The following SCAI variants were observed in gnomAD, a reference collection of about 807,000 sequenced individuals.
SCAI encodes the protein suppressor of cancer cell invasion.
Under a neutral mutation model 92.2 loss-of-function variants are expected in SCAI, and 24 were observed. The ratio of observed to expected loss-of-function variants is 0.26; its 90% CI spans 0.19 to 0.37. SCAI has a LOEUF of 0.37. Ranked by LOEUF, SCAI falls within the 10% of genes least tolerant of loss-of-function variation. SCAI has a pLI of 1.00. For missense variants in SCAI, 450 were observed against 736.2 expected, an observed-to-expected ratio of 0.61 and a Z score of 4.50; for synonymous variants, 261 against 258.6, an observed-to-expected ratio of 1.01 and a Z score of -0.09.
intron 17 of SCAI, among the ~76,000 whole-genome samples, chr9:124,964,335 C>T (rs919410139): frequency 1.3e-5 from 2 of 152,200 alleles, no homozygotes; most frequent in Non-Finnish European, 2.9e-5. Context: ...CGAAACCCTT[C>T]ACTCCCCACC....
intron 2 of SCAI, among the ~76,000 whole-genome samples, chr9:125,073,194 T>A (rs1303401978): frequency 7.8e-6 from 1 of 127,712 alleles, no homozygotes; most frequent in Non-Finnish European, 1.6e-5. Flanking sequence ...AAGCTCCGCC[T>A]CCCGGGTTCA....
chr9:125,088,316 G>A (rs1320632265), intron 2 of SCAI, among the ~76,000 whole-genome samples: 1 of 152,116 alleles, frequency 6.6e-6, no homozygotes, highest in Non-Finnish European at 1.5e-5. Context: ...CCCCAATGTT[G>A]GAGGAGGGGC....
rs1047820198 is a variant in SCAI at position 125,000,095 on chromosome 9, G to A, written c.1145-105C>T. 9.4e-6 allele frequency: 5 copies of A among 531,274 alleles called. No homozygotes were observed. The African/African-American group carries it at 9.8e-5, about 10-fold the overall frequency. The allele number at this position is 531,274 out of a possible 1,614,324, so 32.9% of individuals were successfully genotyped here. A position where few individuals can be genotyped will look rare whatever the true frequency, so the allele number is the denominator to read the frequency against. On this transcript the variant is annotated intron_variant, in intron 12 of 17. Transcript: ENST00000336505. ...TGAATCTCTCATTGATTCAAGCGAA[G>A]ATAATTACACATTTAAATTATTTTA...
chr9:125,077,076 C>T (rs777156289), intron 2 of SCAI, among the ~76,000 whole-genome samples: 2 of 152,086 alleles, frequency 1.3e-5, no homozygotes, highest in African/African-American at 4.8e-5. Flanking sequence ...CTCACCTACT[C>T]GGGAAGGTGA....
At chr9:124,968,537 A>G (rs1831585570) in intron 17 of SCAI, 2 of 871,652 alleles carry the variant, frequency 2.3e-6, no homozygotes, top group East Asian at 2.4e-5. Flanking sequence ...CAGTTAAGAC[A>G]CCACTCCCAA....
chr9:124,983,024 G>A (rs2131603528), intron 14 of SCAI, among the ~76,000 whole-genome samples: 1 of 152,128 alleles, frequency 6.6e-6, no homozygotes, highest in East Asian at 1.9e-4. Flanking sequence ...GTGGTGGCAT[G>A]TTTCTGTAGT....
chr9:124,968,943 G>GT, intron 17 of SCAI: 65 of 325,458 alleles, frequency 2.0e-4, no homozygotes, highest in Middle Eastern at 9.3e-4. Flanking sequence ...TTTATTTTTT[G>GT]GAAAAAAAAA....
At chr9:125,007,579 G>C (rs1362654010) in intron 9 of SCAI, among the ~76,000 whole-genome samples, 1 of 152,024 alleles carries the variant, frequency 6.6e-6, no homozygotes, top group Non-Finnish European at 1.5e-5. Flanking sequence ...CAGCCTGGGA[G>C]GTCAAGGCTA....
rs190147816 is a variant in SCAI at position 125,081,588 on chromosome 9, T to A, written c.99-25581A>T. Among the ~76,000 whole-genome samples the A allele has an allele frequency of 2.6e-5, 4 of 152,256 alleles. No homozygotes were observed. In the East Asian group the frequency reaches 7.7e-4, roughly 29 times the overall value. On this transcript the variant is annotated intron_variant, in intron 2 of 17. Coordinates refer to ENST00000336505, the MANE Select transcript of SCAI (RefSeq NM_001144877.3). ...GGCACTCAGTTTTGTTTTGTTTTGT[T>A]TGGAGATGTAGTTTTGCTCTGTTGC...
At chr9:125,141,856 A>G (rs10986582) in intron 2 of SCAI, among the ~76,000 whole-genome samples, 3,145 of 152,292 alleles carry the variant, frequency 0.021, 126 homozygotes, top group East Asian at 0.16. Flanking sequence ...GGGTTCTTTG[A>G]GGATTACAGG....
chr9:125,041,583 C>A (rs1472560908), intron 3 of SCAI, among the ~76,000 whole-genome samples: 7 of 152,048 alleles, frequency 4.6e-5, no homozygotes, highest in Non-Finnish European at 8.8e-5. Context: ...GAACTAGAAG[C>A]CAGTGTTTTA....
intron 9 of SCAI, among the ~76,000 whole-genome samples, chr9:125,007,206 T>C (rs1027619359): frequency 6.6e-5 from 10 of 152,164 alleles, no homozygotes; most frequent in African/African-American, 2.4e-4. Context: ...ATTATAAATA[T>C]TAATATGATA....
At chr9:124,976,254 C>A in intron 14 of SCAI, 68 bp from the exon 15 acceptor site, 1 of 1,145,086 alleles carries the variant, frequency 8.7e-7, no homozygotes, top group Non-Finnish European at 1.3e-6. Flanking sequence ...AGTAATTTTC[C>A]AAAGCATATT....
intron 9 of SCAI, among the ~76,000 whole-genome samples, chr9:125,015,235 A>G (rs547166876): frequency 1.5e-3 from 223 of 152,298 alleles, no homozygotes; most frequent in African/African-American, 4.9e-3. Context: ...TACCATCAGA[A>G]TGAACAGGCA....
At position 124,943,619 on chromosome 9, in the gene SCAI, G is replaced by A. The variant is rs1363189106; in HGVS notation, c.*9188C>T. 5 of 152,202 alleles carry A rather than the reference G, an allele frequency of 3.3e-5. No individual in the cohort carries two copies. The highest frequency in any genetic ancestry group is 4.1e-4 in the South Asian group (2 of 4,830). The allele number at this position is 152,202 out of a possible 1,614,324, so 9.4% of individuals were successfully genotyped here. A position where few individuals can be genotyped will look rare whatever the true frequency, so the allele number is the denominator to read the frequency against. ...AAGTATTTCACACCACTAGAAAATC[G>A]AGTAATTATATCCTCCAAATGAATT... On this transcript the variant is annotated 3_prime_UTR_variant, in exon 18 of 18. Coordinates refer to ENST00000336505, the MANE Select transcript of SCAI (RefSeq NM_001144877.3).
intron 2 of SCAI, among the ~76,000 whole-genome samples, chr9:125,075,564 A>AT (rs573518384): frequency 4.2e-3 from 545 of 130,008 alleles, no homozygotes; most frequent in Non-Finnish European, 5.4e-3. Context: ...CGTCCAGCTA[A>AT]TTTTTTTTTT....
At chr9:125,087,947 A>G (rs1172128991) in intron 2 of SCAI, among the ~76,000 whole-genome samples, 2 of 152,220 alleles carry the variant, frequency 1.3e-5, no homozygotes, top group African/African-American at 4.8e-5. Flanking sequence ...TAATATACGT[A>G]AAGTATATAA....
intron 14 of SCAI, among the ~76,000 whole-genome samples, chr9:124,982,153 A>G (rs1831898907): frequency 6.6e-6 from 1 of 152,150 alleles, no homozygotes; most frequent in Non-Finnish European, 1.5e-5. Flanking sequence ...ACTGAGTGCT[A>G]TTTTCCAGAA....
intron 17 of SCAI, among the ~76,000 whole-genome samples, chr9:124,955,028 G>A (rs1242156848): frequency 6.6e-6 from 1 of 152,016 alleles, no homozygotes; most frequent in Non-Finnish European, 1.5e-5. Context: ...TTAGCTGGGT[G>A]TGGTGGTGCA....
Sources: allele counts gnomAD v4.1 joint callset (sites outside exome capture counted in the v4.1 genomes callset), GRCh38; gene constraint gnomAD v4.1.1; transcripts MANE v1.5; gene names NCBI Gene and HGNC (gene_info 2026-07-23, HGNC 2026-07-21).